The following BBS9 variants were observed in gnomAD, a reference collection of about 807,000 sequenced individuals.
The protein encoded by BBS9 is Bardet-Biedl syndrome 9.
A neutral mutation model predicts 117.7 loss-of-function variants in BBS9; 89 were observed. That is an observed-to-expected ratio of 0.76 (90% CI 0.64 to 0.90). The LOEUF (loss-of-function observed/expected upper bound fraction) is 0.90. Ranked by LOEUF, BBS9 falls within the 40% of genes least tolerant of loss-of-function variation. BBS9 has a pLI of 0.00. For synonymous variants in BBS9, 379 were observed against 370.9 expected, an observed-to-expected ratio of 1.02 and a Z score of -0.25; for missense variants, 982 against 1,042.2, an observed-to-expected ratio of 0.94 and a Z score of 0.80.
chr7:33,405,159 G>A (rs570894127), intron 19 of BBS9, among the ~76,000 whole-genome samples: 62 of 152,252 alleles, frequency 4.1e-4, no homozygotes, highest in Admixed American at 6.5e-4. Context: ...ATTGATTTGC[G>A]TATATTGAAC....
At chr7:33,151,265 AAAG>A (rs1217805579) in intron 2 of BBS9, among the ~76,000 whole-genome samples, 3 of 152,166 alleles carry the variant, frequency 2.0e-5, no homozygotes, top group East Asian at 3.9e-4. Flanking sequence ...GGAAAAAAAA[AAAG>A]AAGAACCAAT....
intron 4 of BBS9, chr7:33,157,699 T>C (rs1256297246): frequency 6.6e-6 from 1 of 152,206 alleles, no homozygotes; most frequent in East Asian, 1.9e-4. Flanking sequence ...GAACTTGACA[T>C]CCTTTTCTTC....
At chr7:33,352,350 G>A (rs561813418) in intron 14 of BBS9, among the ~76,000 whole-genome samples, 38 of 152,282 alleles carry the variant, frequency 2.5e-4, no homozygotes, top group Admixed American at 1.9e-3. Flanking sequence ...TTGGTTGAAA[G>A]TGAATTAGAA....
intron 4 of BBS9, among the ~76,000 whole-genome samples, chr7:33,159,453 A>C (rs541054409): frequency 3.9e-4 from 60 of 152,298 alleles, no homozygotes; most frequent in Non-Finnish European, 7.2e-4. Flanking sequence ...GTGTTTCCTT[A>C]AGATCTTAGT....
chr7:33,183,464 T>TA (rs951633553), intron 5 of BBS9, among the ~76,000 whole-genome samples: 5 of 152,038 alleles, frequency 3.3e-5, no homozygotes, highest in East Asian at 1.9e-4. Flanking sequence ...TAGTGCTCCT[T>TA]AAAAAAAATT....
intron 19 of BBS9, among the ~76,000 whole-genome samples, chr7:33,483,263 C>A (rs1359950035): frequency 6.6e-6 from 1 of 152,078 alleles, no homozygotes; most frequent in African/African-American, 2.4e-5. Flanking sequence ...AACAAGGAAC[C>A]CTTCTTGGAC....
chr7:33,435,995 C>G (rs1360268562), intron 19 of BBS9, among the ~76,000 whole-genome samples: 1 of 152,140 alleles, frequency 6.6e-6, no homozygotes, highest in Non-Finnish European at 1.5e-5. Flanking sequence ...CTTCCCATGA[C>G]CTTTAGCAGC....
At chr7:33,301,210 G>T (rs1229928254) in intron 9 of BBS9, among the ~76,000 whole-genome samples, 1 of 151,822 alleles carries the variant, frequency 6.6e-6, no homozygotes. Flanking sequence ...CAGGATAAAT[G>T]GGATATCTAC....
intron 19 of BBS9, among the ~76,000 whole-genome samples, chr7:33,493,475 C>T (rs1358774490): frequency 6.6e-6 from 1 of 152,190 alleles, no homozygotes; most frequent in African/African-American, 2.4e-5. Context: ...GAATGAGTGA[C>T]TTGCCCCAAA....
intron 9 of BBS9, among the ~76,000 whole-genome samples, chr7:33,321,912 G>A (rs79407009): frequency 6.6e-6 from 1 of 151,350 alleles, no homozygotes; most frequent in Admixed American, 6.6e-5. Context: ...GTTTTTTGAG[G>A]GTTTTTTTTT....
At chr7:33,527,312 C>G (rs1325072946) in intron 20 of BBS9, among the ~76,000 whole-genome samples, 2 of 152,188 alleles carry the variant, frequency 1.3e-5, no homozygotes, top group South Asian at 2.1e-4. Flanking sequence ...TTTACCTAAG[C>G]AAGCCTGGGC....
intron 9 of BBS9, among the ~76,000 whole-genome samples, chr7:33,312,527 T>C (rs1809498406): frequency 1.3e-5 from 2 of 152,332 alleles, no homozygotes; most frequent in East Asian, 3.9e-4. Context: ...ACTGGAGTCT[T>C]TCCATAGCTT....
intron 9 of BBS9, among the ~76,000 whole-genome samples, chr7:33,280,911 G>GTT (rs150736523): frequency 7.6e-5 from 6 of 79,416 alleles, no homozygotes; most frequent in South Asian, 4.5e-4. Context: ...TGTCGTTTTT[G>GTT]TTTTTTTTTT....
chr7:33,344,505 T>C (rs767488202), intron 11 of BBS9, 76 bp from the exon 12 acceptor site: 13 of 1,208,430 alleles, frequency 1.1e-5, no homozygotes, highest in Non-Finnish European at 1.5e-5. Context: ...AAATATACAT[T>C]GCACTCATTG....
chr7:33,426,987 A>G (rs972244269), intron 19 of BBS9, among the ~76,000 whole-genome samples: 1 of 152,200 alleles, frequency 6.6e-6, no homozygotes, highest in Admixed American at 6.5e-5. Flanking sequence ...TAGTACAACA[A>G]ACACAATTAA....
At chr7:33,295,518 TG>T (rs1401212332) in intron 9 of BBS9, among the ~76,000 whole-genome samples, 5 of 152,028 alleles carry the variant, frequency 3.3e-5, no homozygotes, top group Non-Finnish European at 7.4e-5. Context: ...TTAAAATTTC[TG>T]CAGAATTTTT....
intron 19 of BBS9, among the ~76,000 whole-genome samples, chr7:33,490,955 C>T (rs1439893962): frequency 2.6e-5 from 4 of 152,158 alleles, no homozygotes; most frequent in Non-Finnish European, 5.9e-5. Flanking sequence ...TGACTGTGGA[C>T]AGTCAGCATC....
intron 9 of BBS9, among the ~76,000 whole-genome samples, chr7:33,328,824 A>T (rs1316398470): frequency 6.6e-6 from 1 of 152,164 alleles, no homozygotes; most frequent in African/African-American, 2.4e-5. Flanking sequence ...CTATATTTCA[A>T]ATAATTTCAT....
intron 19 of BBS9, among the ~76,000 whole-genome samples, chr7:33,451,299 T>G (rs1837830412): frequency 6.6e-6 from 1 of 152,224 alleles, no homozygotes; most frequent in African/African-American, 2.4e-5. Context: ...GCTTTTCCCC[T>G]ATGTTTTCTT....
Sources: gnomAD v4.1 joint callset for allele counts (sites outside exome capture counted in the v4.1 genomes callset) on GRCh38, gnomAD v4.1.1 for gene constraint, MANE v1.5 for transcripts, NCBI Gene and HGNC (gene_info 2026-07-23, HGNC 2026-07-21) for gene names.